Variants in FAM227B observed in about 807,000 individuals in gnomAD.
The protein encoded by FAM227B is protein FAM227B.
In FAM227B, 88 loss-of-function variants were observed where a neutral mutation model predicts 73.8. The observed-to-expected ratio is 1.19, with a 90% CI of 1.00 to 1.42. The LOEUF is 1.42. Among genes scored for constraint, FAM227B ranks in the 40% most tolerant of loss-of-function variants. FAM227B has a pLI of 0.00. For missense variants in FAM227B, 632 were observed against 590.9 expected (o/e 1.07, Z -0.72); for synonymous variants, 210 against 190.5 (o/e 1.10, Z -0.84).
intron 11 of FAM227B, among the ~76,000 whole-genome samples, chr15:49,436,807 T>C (rs2051148203): frequency 6.6e-6 from 1 of 151,620 alleles, no homozygotes; most frequent in Non-Finnish European, 1.5e-5. Flanking sequence ...ACTGGTGTTA[T>C]TAAAACATCG....
rs375040758 is a variant in FAM227B, at chr15:49,593,212, A to G, written c.106-3205T>C. On this transcript the variant is annotated intron_variant, in intron 3 of 15. Coordinates refer to ENST00000299338, the MANE Select transcript of FAM227B (RefSeq NM_152647.3). ...TGCACCCTCTGTCCAACCAGTCCCA[A>G]TGAGATGAAGCAGGTACCTCAGTCG... 5.3e-5 allele frequency among the ~76,000 whole-genome samples: 8 copies of G among 152,196 alleles called. No individual in the cohort carries two copies. In the South Asian group the frequency reaches 1.0e-3, roughly 20 times the overall value.
intron 11 of FAM227B, chr15:49,434,735 T>G (rs1257818397): frequency 3.3e-5 from 5 of 151,608 alleles, no homozygotes; most frequent in Non-Finnish European, 7.4e-5. Context: ...CTATGTTTAT[T>G]AAAAACATAA....
At chr15:49,507,284 T>C (rs752177254) in intron 11 of FAM227B, among the ~76,000 whole-genome samples, 9 of 152,120 alleles carry the variant, frequency 5.9e-5, no homozygotes, top group Non-Finnish European at 1.2e-4. Flanking sequence ...AATTAACTAA[T>C]TAAATAATTC....
intron 9 of FAM227B, among the ~76,000 whole-genome samples, chr15:49,566,039 G>A (rs2074630967): frequency 3.3e-5 from 5 of 152,190 alleles, no homozygotes; most frequent in Admixed American, 2.6e-4. Context: ...GGGGCTCCTG[G>A]CCGCCACAGC....
chr15:49,461,937 A>C (rs576155260), intron 11 of FAM227B, among the ~76,000 whole-genome samples: 2 of 152,336 alleles, frequency 1.3e-5, no homozygotes, highest in South Asian at 4.1e-4. Flanking sequence ...TGGGAGGCCG[A>C]AGCAGGCAGA....
intron 11 of FAM227B, chr15:49,489,138 T>C (rs1298531673): frequency 7.9e-6 from 3 of 379,156 alleles, no homozygotes; most frequent in East Asian, 3.3e-4. Flanking sequence ...CCTACACTCA[T>C]GAGGAGGGTA....
Position 49,422,174 on chromosome 15 carries a change from G to GCGTGCA in FAM227B, c.1013-50776_1013-50775insTGCACG, listed in dbSNP as rs1555477497. Reference sequence around the variant, plus strand: ...TGTGTGTGTGTGTGTGCGCGCGCGCGCGCGTGCACGCGTGTGTGTTTTGAG... The same window carrying GCGTGCA: ...TGTGTGTGTGTGTGTGCGCGCGCGCGCGTGCACGCGTGCACGCGTGTGTGTTTTGAG... On this transcript the variant is annotated intron_variant, in intron 11 of 15. Transcript: ENST00000299338. Among the ~76,000 whole-genome samples the GCGTGCA allele has an allele frequency of 3.1e-4, 45 of 145,318 alleles. No individual in the cohort carries two copies. In the East Asian group the frequency reaches 0.01, roughly 33 times the overall value.
chr15:49,448,530 C>G (rs1346542216), intron 11 of FAM227B, among the ~76,000 whole-genome samples: 1 of 151,378 alleles, frequency 6.6e-6, no homozygotes, highest in East Asian at 1.9e-4. Context: ...ATAAGTTAAT[C>G]AAAATTCACA....
intron 11 of FAM227B, among the ~76,000 whole-genome samples, chr15:49,499,448 AACTC>A (rs2057954574): frequency 6.6e-6 from 1 of 152,182 alleles, no homozygotes; most frequent in South Asian, 2.1e-4. Context: ...TGAACTGACA[AACTC>A]ACTTTGTTAA....
intron 3 of FAM227B, among the ~76,000 whole-genome samples, chr15:49,600,646 C>T (rs2077135304): frequency 7.0e-6 from 1 of 143,300 alleles, no homozygotes; most frequent in Non-Finnish European, 1.5e-5. Flanking sequence ...CAGAGCAAGA[C>T]CACATCTCAA....
chr15:49,451,360 ATT>A (rs2052721027), intron 11 of FAM227B, among the ~76,000 whole-genome samples: 1 of 151,992 alleles, frequency 6.6e-6, no homozygotes, highest in African/African-American at 2.4e-5. Flanking sequence ...ATGATAAAGT[ATT>A]TTTTCTTCTG....
At chr15:49,545,050 T>A (rs941583852) in intron 9 of FAM227B, among the ~76,000 whole-genome samples, 3 of 152,182 alleles carry the variant, frequency 2.0e-5, no homozygotes, top group Non-Finnish European at 4.4e-5. Context: ...TTTCACCATC[T>A]TGTGGAATAG....
intron 11 of FAM227B, among the ~76,000 whole-genome samples, chr15:49,496,823 A>G (rs1361526703): frequency 6.6e-6 from 1 of 152,196 alleles, no homozygotes; most frequent in East Asian, 1.9e-4. Context: ...AGTCATATAT[A>G]TGTATATGCA....
intron 10 of FAM227B, among the ~76,000 whole-genome samples, chr15:49,533,875 T>C (rs917789886): frequency 6.6e-6 from 1 of 151,886 alleles, no homozygotes; most frequent in African/African-American, 2.4e-5. Context: ...TTCAATGTAA[T>C]TGAAACGTAA....
At chr15:49,372,070 CAATGAAATAAAATTCATTTATAAATA>C (rs2045868526) in intron 11 of FAM227B, among the ~76,000 whole-genome samples, 13 of 72,082 alleles carry the variant, frequency 1.8e-4, no homozygotes, top group African/African-American at 6.9e-4. Context: ...ACTTATAAAT[CAATGAAATAAAATTCATTTATAAATA>C]AATGAAATAA....
intron 1 of FAM227B, among the ~76,000 whole-genome samples, chr15:49,616,929 A>G (rs2078326699): frequency 6.6e-6 from 1 of 152,202 alleles, no homozygotes; most frequent in South Asian, 2.1e-4. Flanking sequence ...CAGTCTATCT[A>G]AAGGCTTATC....
chr15:49,414,506 T>C (rs528541329), intron 11 of FAM227B, among the ~76,000 whole-genome samples: 32 of 152,118 alleles, frequency 2.1e-4, no homozygotes, highest in Non-Finnish European at 3.1e-4. Flanking sequence ...AGTCTGCATA[T>C]TGGAAAAAGA....
chr15:49,549,536 C>T (rs908281713), intron 9 of FAM227B, among the ~76,000 whole-genome samples: 14 of 151,958 alleles, frequency 9.2e-5, no homozygotes, highest in East Asian at 5.8e-4. Context: ...TGACTCTTAA[C>T]GAGCATGCTG....
intron 11 of FAM227B, among the ~76,000 whole-genome samples, chr15:49,461,142 T>A (rs978101336): frequency 6.6e-6 from 1 of 152,206 alleles, no homozygotes; most frequent in East Asian, 1.9e-4. Context: ...CTTCTTCCTA[T>A]CTGTTGAAGT....
Sources: gnomAD v4.1 joint callset for allele counts (sites outside exome capture counted in the v4.1 genomes callset) on GRCh38, gnomAD v4.1.1 for gene constraint, MANE v1.5 for transcripts, NCBI Gene and HGNC (gene_info 2026-07-23, HGNC 2026-07-21) for gene names.